The following DMD variants were observed in gnomAD, a reference collection of about 807,000 sequenced individuals.
DMD encodes mutant dystrophin.
DMD carries 63 observed loss-of-function variants against 330.1 expected under a neutral mutation model. That is an observed-to-expected ratio of 0.19 (90% CI 0.16 to 0.24). The LOEUF (loss-of-function observed/expected upper bound fraction) is 0.24, where lower values mean the gene tolerates loss of function less well. Among genes scored for constraint, DMD ranks in the 10% least tolerant of loss-of-function variants. The pLI, the probability that DMD is intolerant of heterozygous loss-of-function variation, is 1.00. For synonymous variants in DMD, 1,223 were observed against 959.8 expected (o/e 1.27, Z -5.07); for missense variants, 3,344 against 2,684.1 (o/e 1.25, Z -5.43).
chrX:31,459,928 T>C (rs1409318568), intron 59 of DMD, among the ~76,000 whole-genome samples: 1 of 112,253 alleles, frequency 8.9e-6, no homozygotes, highest in Non-Finnish European at 1.9e-5. Flanking sequence ...CTATTTCCAT[T>C]TTCCATTGAA....
intron 43 of DMD, among the ~76,000 whole-genome samples, chrX:32,252,600 A>ATATAT (rs2097268151): frequency 9.1e-5 from 1 of 10,959 alleles, no homozygotes; most frequent in Non-Finnish European, 1.4e-4. Flanking sequence ...ATATATATAT[A>ATATAT]AACATATATA....
upstream of DMD, among the ~76,000 whole-genome samples, chrX:33,214,712 G>A (rs1410808538): frequency 2.7e-5 from 3 of 111,911 alleles, no homozygotes; most frequent in African/African-American, 6.5e-5. Flanking sequence ...GGAGTGTAGC[G>A]ACACAATCAT....
chrX:32,786,954 T>C (rs2075404652), intron 7 of DMD, among the ~76,000 whole-genome samples: 1 of 89,630 alleles, frequency 1.1e-5, no homozygotes, highest in Non-Finnish European at 2.2e-5. Context: ...CCAGATTACA[T>C]CAATATTACT....
intron 43 of DMD, among the ~76,000 whole-genome samples, chrX:32,237,726 T>G (rs1373414312): frequency 8.9e-6 from 1 of 111,884 alleles, no homozygotes; most frequent in African/African-American, 3.2e-5. Context: ...TTTCCACGCA[T>G]TTTTGACTGA....
chrX:31,944,670 T>A (rs1388399928), intron 45 of DMD, among the ~76,000 whole-genome samples: 2 of 105,173 alleles, frequency 1.9e-5, no homozygotes, highest in African/African-American at 6.9e-5. Flanking sequence ...CTGCTTTTTT[T>A]TTTTTTTTTT....
chrX:32,385,123 G>T (rs749488887), intron 33 of DMD, among the ~76,000 whole-genome samples: 112 of 110,707 alleles, frequency 1.0e-3, no homozygotes, highest in Non-Finnish European at 1.9e-3. Context: ...AAAGAACGAA[G>T]CTGGAGGTAT....
intron 2 of DMD, among the ~76,000 whole-genome samples, chrX:32,859,387 G>C (rs68091300): frequency 0.07 from 7,511 of 107,391 alleles, 636 homozygotes; most frequent in African/African-American, 0.23. Flanking sequence ...AGAATCGCTA[G>C]AACTAGGAAG....
chrX:31,638,985 C>T lies in DMD; in HGVS notation c.8028-11123G>A, dbSNP rs752990316. On this transcript the variant is annotated intron_variant, in intron 54 of 78. Coordinates refer to ENST00000357033, the MANE Select transcript of DMD (RefSeq NM_004006.3). ...AAGTGGTGAAAATAGATTATAATTGCAGTGATAATCACAGAATTGTAAAAG... is the reference window on the plus strand; with the variant it reads ...AAGTGGTGAAAATAGATTATAATTGTAGTGATAATCACAGAATTGTAAAAG... 1.6e-4 allele frequency among the ~76,000 whole-genome samples: 18 copies of T among 111,664 alleles called. 1 individual carries two copies. In the South Asian group the frequency reaches 5.3e-3, roughly 33 times the overall value.
At chrX:32,818,117 G>C (rs1305732161) in intron 5 of DMD, among the ~76,000 whole-genome samples, 1 of 111,889 alleles carries the variant, frequency 8.9e-6, no homozygotes, top group African/African-American at 3.3e-5. Context: ...GGTGTATTTT[G>C]TGTCCTGTGC....
chrX:32,416,457 T>C (rs1284341627), intron 29 of DMD, among the ~76,000 whole-genome samples: 1 of 112,068 alleles, frequency 8.9e-6, no homozygotes, highest in Admixed American at 9.5e-5. Context: ...GTTTTAAATA[T>C]TTTCTTCTGA....
chrX:32,867,551 G>A (rs995528503), intron 2 of DMD, among the ~76,000 whole-genome samples: 1 of 111,891 alleles, frequency 8.9e-6, no homozygotes, highest in Non-Finnish European at 1.9e-5. Context: ...TTTACCAAGA[G>A]CTTTATTACA....
chrX:32,949,711 G>A (rs1355224727), intron 2 of DMD, among the ~76,000 whole-genome samples: 3 of 111,097 alleles, frequency 2.7e-5, no homozygotes, highest in East Asian at 2.8e-4. Flanking sequence ...ATGAAGAATC[G>A]CTTTTTAAAA....
intron 2 of DMD, among the ~76,000 whole-genome samples, chrX:32,938,537 C>T (rs749509909): frequency 1.8e-5 from 2 of 111,560 alleles, no homozygotes; most frequent in South Asian, 3.8e-4. Flanking sequence ...CTATTCATTT[C>T]CCAAGGCTCA....
At chrX:31,946,891 T>A (rs1344224319) in intron 45 of DMD, among the ~76,000 whole-genome samples, 1 of 110,556 alleles carries the variant, frequency 9.0e-6, no homozygotes, top group Non-Finnish European at 1.9e-5. Context: ...TAATAGTTGC[T>A]AAGAAAATGC....
At chrX:32,586,433 G>A (rs1206138950) in intron 13 of DMD, among the ~76,000 whole-genome samples, 1 of 107,833 alleles carries the variant, frequency 9.3e-6, no homozygotes, top group African/African-American at 3.4e-5. Context: ...TGGGACAGGT[G>A]CTAAAATAAA....
In DMD at chrX:33,069,314, G is replaced by A. The variant is rs780147997; in HGVS notation, c.32-49114C>T. ...CTTAAAAAAATACAATGGTAAGGGG[G>A]TACTTTGCAAGTTAGGCCTAAGAAG... On this transcript the variant is annotated intron_variant, in intron 1 of 78. Transcript: ENST00000357033. 8.1e-5 allele frequency among the ~76,000 whole-genome samples: 9 copies of A among 111,029 alleles called. No individual in the cohort carries two copies. In the South Asian group the frequency reaches 3.5e-3, roughly 43 times the overall value.
chrX:31,348,184 G>C (rs1412585204), intron 61 of DMD: 1 of 206,444 alleles, frequency 4.8e-6, no homozygotes, highest in East Asian at 1.2e-4. Context: ...AAACTCAAAA[G>C]TATGTTTTTG....
At chrX:32,730,108 G>A (rs1488963420) in intron 7 of DMD, among the ~76,000 whole-genome samples, 17 of 112,029 alleles carry the variant, frequency 1.5e-4, no homozygotes, top group Non-Finnish European at 3.2e-4. Context: ...TGAGGCAGGA[G>A]GATCGCTTGA....
intron 21 of DMD, among the ~76,000 whole-genome samples, chrX:32,480,989 T>A (rs2041835256): frequency 9.0e-6 from 1 of 110,804 alleles, no homozygotes; most frequent in African/African-American, 3.3e-5. Flanking sequence ...AAATTTAAAA[T>A]TTTAATAAAG....
Sources: gnomAD v4.1 joint callset for allele counts (sites outside exome capture counted in the v4.1 genomes callset) on GRCh38, gnomAD v4.1.1 for gene constraint, MANE v1.5 for transcripts, NCBI Gene and HGNC (gene_info 2026-07-23, HGNC 2026-07-21) for gene names.